CTPS2: variants seen among roughly 807,000 people sequenced by gnomAD.
CTPS2 encodes CTP synthase II.
CTPS2 carries 19 observed loss-of-function variants against 46.8 expected under a neutral mutation model. The observed-to-expected ratio is 0.41, with a 90% confidence interval of 0.28 to 0.60. CTPS2 has a LOEUF of 0.60. CTPS2 is among the 20% of genes least tolerant of loss of function. CTPS2 has a pLI of 0.35. For synonymous variants in CTPS2, 151 were observed against 165.2 expected (o/e 0.91, Z 0.66); for missense variants, 286 against 447.6 (o/e 0.64, Z 3.26).
At chrX:16,692,910 T>C (rs1923813800) in intron 6 of CTPS2, among the ~76,000 whole-genome samples, 1 of 108,811 alleles carries the variant, frequency 9.2e-6, no homozygotes, top group South Asian at 4.1e-4. Flanking sequence ...ATACCAAAAT[T>C]ATCCAGGTGT....
intron 14 of CTPS2, among the ~76,000 whole-genome samples, chrX:16,626,659 T>C (rs1360850455): frequency 9.0e-6 from 1 of 111,298 alleles, no homozygotes; most frequent in South Asian, 3.8e-4. Flanking sequence ...TTGCTCTGAC[T>C]CACCCTTTAT....
At chrX:16,620,183 G>T in intron 15 of CTPS2, 94 bp downstream of exon 15, 1 of 746,295 alleles carries the variant, frequency 1.3e-6, no homozygotes, top group Non-Finnish European at 2.0e-6. Context: ...AATACCACCA[G>T]GCTAGACACC....
intron 13 of CTPS2, among the ~76,000 whole-genome samples, chrX:16,665,803 T>G (rs185321248): frequency 8.0e-5 from 9 of 112,080 alleles, no homozygotes; most frequent in Non-Finnish European, 1.5e-4. Flanking sequence ...CAGGCTGGAG[T>G]GCAATGGCAC....
At chrX:16,625,452 G>A (rs1198086050) in intron 14 of CTPS2, among the ~76,000 whole-genome samples, 1 of 111,877 alleles carries the variant, frequency 8.9e-6, no homozygotes, top group Non-Finnish European at 1.9e-5. Flanking sequence ...ACGGGCAGGT[G>A]CAGGATCCAG....
chrX:16,691,925 G>T (rs1172611171), intron 6 of CTPS2, among the ~76,000 whole-genome samples: 1 of 111,920 alleles, frequency 8.9e-6, no homozygotes, highest in Admixed American at 9.6e-5. Flanking sequence ...GGGCCAGATG[G>T]GAAATATTTT....
At chrX:16,609,152 A>G (rs1350700228) in intron 17 of CTPS2, among the ~76,000 whole-genome samples, 1 of 111,899 alleles carries the variant, frequency 8.9e-6, no homozygotes, top group East Asian at 2.8e-4. Context: ...ACCTTTATAC[A>G]TAAAGAGCTT....
intron 13 of CTPS2, among the ~76,000 whole-genome samples, chrX:16,664,118 G>A (rs767052681): frequency 1.8e-5 from 2 of 112,432 alleles, no homozygotes; most frequent in South Asian, 3.7e-4. Context: ...TTATAGGCAT[G>A]AGCCACTGCG....
chrX:16,639,694 C>A (rs967973286), intron 13 of CTPS2, among the ~76,000 whole-genome samples: 1 of 101,141 alleles, frequency 9.9e-6, no homozygotes, highest in Non-Finnish European at 2.0e-5. Flanking sequence ...CCAAAAGAAC[C>A]TATTTATAGA....
At position 16,589,330 on chromosome X, in the gene CTPS2, A is replaced by G; in HGVS notation, c.*487T>C. ...TATTCAATTTTACTTTTACCAGGAA[A>G]TAAACAGGGTGAGAAACTGCAATGA... On this transcript the variant is annotated 3_prime_UTR_variant, in exon 19 of 19. Transcript: ENST00000359276. 1 of 112,034 alleles carries G rather than the reference A, an allele frequency of 8.9e-6. No homozygotes were observed. Among genetic ancestry groups the G allele is most frequent in the Non-Finnish European group, 1.9e-5 (1 of 53,233 alleles). 9.2% of individuals were successfully genotyped at this position (112,034 alleles called of 1,213,427 possible).
chrX:16,703,392 A>G (rs1924738027), intron 1 of CTPS2, among the ~76,000 whole-genome samples: 1 of 109,324 alleles, frequency 9.1e-6, no homozygotes. Flanking sequence ...GTGCAGTGGC[A>G]TGTTCATAGC....
chrX:16,698,964 T>C lies in CTPS2; in HGVS notation c.296A>G (p.Asn99Ser). ...CAGGTAATCACCACGCCTCTCTTTATTGATCACATGCTGATATATCTTCCC... is the reference window on the plus strand; with the variant it reads ...CAGGTAATCACCACGCCTCTCTTTACTGATCACATGCTGATATATCTTCCC... ...TTGKIYQHVINKERRGDYLGK... is the reference protein window; with the variant it reads ...TTGKIYQHVISKERRGDYLGK... Residue 99 changes from asparagine (N) to serine (S), a missense_variant, in exon 3 of 19, where the codon AAT becomes AGT. Transcript: ENST00000359276. The C allele has an allele frequency of 8.3e-7, 1 of 1,202,459 alleles. No homozygotes were observed. The highest frequency in any genetic ancestry group is 1.7e-5 in the African/African-American group (1 of 57,618).
chrX:16,620,370 G>C (rs6629159), intron 14 of CTPS2, 38 bp from the exon 15 acceptor site: 1 of 1,043,424 alleles, frequency 9.6e-7, no homozygotes, highest in Non-Finnish European at 1.3e-6. Flanking sequence ...ATTAGAGTAA[G>C]CAGCTTCACA....
At chrX:16,672,275 T>A (rs754843699) in intron 10 of CTPS2, among the ~76,000 whole-genome samples, 5 of 110,991 alleles carry the variant, frequency 4.5e-5, no homozygotes, top group Non-Finnish European at 7.6e-5. Context: ...AAGGGGAAAC[T>A]TGAGAGTTGA....
At chrX:16,692,205 G>A (rs767905871) in intron 6 of CTPS2, among the ~76,000 whole-genome samples, 1 of 110,742 alleles carries the variant, frequency 9.0e-6, no homozygotes, top group Admixed American at 9.8e-5. Context: ...CACTTTAGGA[G>A]GCCAAGGCAG....
chrX:16,694,277 G>A (rs951917990), intron 4 of CTPS2, among the ~76,000 whole-genome samples: 10 of 111,715 alleles, frequency 9.0e-5, no homozygotes, highest in East Asian at 8.5e-4. Context: ...TCCCCTCCCC[G>A]CTGGCCTCTT....
chrX:16,678,206 C>T (rs942434237), intron 10 of CTPS2, among the ~76,000 whole-genome samples, 156 bp downstream of exon 10: 28 of 112,084 alleles, frequency 2.5e-4, no homozygotes, highest in African/African-American at 2.6e-4. Flanking sequence ...TTCAAATCAA[C>T]GCAGTATGAT....
chrX:16,683,062 T>A, intron 9 of CTPS2, 32 bp downstream of exon 9: 1 of 1,206,069 alleles, frequency 8.3e-7, no homozygotes, highest in South Asian at 1.8e-5. Context: ...CATGAATTAC[T>A]GAGATAGCCA....
intron 9 of CTPS2, among the ~76,000 whole-genome samples, 196 bp from the exon 10 acceptor site, chrX:16,678,646 C>T (rs774746943): frequency 5.4e-5 from 6 of 110,971 alleles, no homozygotes; most frequent in East Asian, 2.8e-4. Flanking sequence ...ACCAGATAAA[C>T]GGGCATCCAC....
At chrX:16,617,446 G>A (rs1046278463) in intron 15 of CTPS2, among the ~76,000 whole-genome samples, 200 bp from the exon 16 acceptor site, 4 of 111,620 alleles carry the variant, frequency 3.6e-5, no homozygotes, top group African/African-American at 1.3e-4. Context: ...AAATCTAGGA[G>A]GTGCCTTCTA....
Sources: allele counts gnomAD v4.1 joint callset (sites outside exome capture counted in the v4.1 genomes callset), GRCh38; gene constraint gnomAD v4.1.1; transcripts MANE v1.5; gene names NCBI Gene and HGNC (gene_info 2026-07-23, HGNC 2026-07-21).